The following PITPNC1 variants were observed in gnomAD, a reference collection of about 807,000 sequenced individuals.
PITPNC1 encodes the protein cytoplasmic phosphatidylinositol transfer protein 1.
In PITPNC1, 18 loss-of-function variants were observed where a neutral mutation model predicts 44.7. That is an observed-to-expected ratio of 0.40 (90% CI 0.28 to 0.60). PITPNC1 has a LOEUF of 0.60. Ranked by LOEUF, PITPNC1 falls within the 20% of genes least tolerant of loss-of-function variation. PITPNC1 has a pLI of 0.39. For synonymous variants in PITPNC1, 141 were observed against 149.6 expected, an observed-to-expected ratio of 0.94 and a Z score of 0.42; for missense variants, 290 against 418.4, an observed-to-expected ratio of 0.69 and a Z score of 2.68.
intron 1 of PITPNC1, among the ~76,000 whole-genome samples, chr17:67,473,761 G>A (rs1472112351): frequency 2.0e-5 from 3 of 152,064 alleles, no homozygotes; most frequent in Non-Finnish European, 4.4e-5. Flanking sequence ...GTTTTTGGAG[G>A]GATGTGTTGA....
At chr17:67,682,836 A>G (rs2042736102) in intron 8 of PITPNC1, among the ~76,000 whole-genome samples, 1 of 152,180 alleles carries the variant, frequency 6.6e-6, no homozygotes, top group South Asian at 2.1e-4. Context: ...TTACCAATGT[A>G]TTTGCAAAGT....
chr17:67,548,646 G>A (rs979578111), intron 2 of PITPNC1, among the ~76,000 whole-genome samples: 1 of 152,108 alleles, frequency 6.6e-6, no homozygotes, highest in Non-Finnish European at 1.5e-5. Context: ...CTGTCTTTGG[G>A]AGGCATTGAC....
chr17:67,384,605 T>G (rs1334810498), intron 1 of PITPNC1, among the ~76,000 whole-genome samples: 1 of 152,076 alleles, frequency 6.6e-6, no homozygotes, highest in Non-Finnish European at 1.5e-5. Flanking sequence ...TTTTGTATTT[T>G]TAGTAGAGAC....
intron 5 of PITPNC1, among the ~76,000 whole-genome samples, chr17:67,598,999 TAC>T (rs1568059171): frequency 6.7e-5 from 2 of 29,710 alleles, no homozygotes; most frequent in African/African-American, 1.2e-4. Flanking sequence ...CTATAAGAAA[TAC>T]ATATATATAT....
chr17:67,429,661 G>A (rs1406671958), intron 1 of PITPNC1, among the ~76,000 whole-genome samples: 2 of 151,134 alleles, frequency 1.3e-5, no homozygotes, highest in Non-Finnish European at 2.9e-5. Flanking sequence ...TCGTGCCACT[G>A]CACTCCAGCC....
At chr17:67,600,482 A>G (rs1379156950) in intron 5 of PITPNC1, among the ~76,000 whole-genome samples, 1 of 152,152 alleles carries the variant, frequency 6.6e-6, no homozygotes, top group East Asian at 1.9e-4. Context: ...TAGGAACCAA[A>G]AAAGAAACAA....
chr17:67,523,419 A>G lies in PITPNC1; in HGVS notation c.49-9383A>G, dbSNP rs372399131. Among the ~76,000 whole-genome samples the G allele has an allele frequency of 2.6e-5, 4 of 152,314 alleles. No homozygotes were observed. In the East Asian group the frequency reaches 5.8e-4, roughly 22 times the overall value. Reference sequence around the variant, plus strand: ...CAAGTCACAGTCAGACATGTGGCCAACTAGAAGGAGCAGTGGTGAGGGCAG... The same window carrying G: ...CAAGTCACAGTCAGACATGTGGCCAGCTAGAAGGAGCAGTGGTGAGGGCAG... On this transcript the variant is annotated intron_variant, in intron 1 of 8. Coordinates refer to ENST00000581322, the MANE Select transcript of PITPNC1 (RefSeq NM_012417.4).
intron 1 of PITPNC1, among the ~76,000 whole-genome samples, chr17:67,396,321 A>G (rs1033524089): frequency 2.0e-4 from 31 of 152,194 alleles, no homozygotes; most frequent in African/African-American, 7.5e-4. Context: ...TGTTTCTTTT[A>G]CATTTAGGTT....
intron 6 of PITPNC1, among the ~76,000 whole-genome samples, chr17:67,665,988 G>A (rs959044488): frequency 6.6e-6 from 1 of 151,992 alleles, no homozygotes; most frequent in Non-Finnish European, 1.5e-5. Context: ...TTACAGGCAT[G>A]CATCACCATG....
At chr17:67,643,251 C>T (rs1019093345) in intron 6 of PITPNC1, among the ~76,000 whole-genome samples, 3 of 152,102 alleles carry the variant, frequency 2.0e-5, no homozygotes, top group Non-Finnish European at 2.9e-5. Context: ...CTGGGCATGG[C>T]GGCACGCACC....
chr17:67,515,838 T>A (rs2040252029), intron 1 of PITPNC1, among the ~76,000 whole-genome samples: 1 of 152,228 alleles, frequency 6.6e-6, no homozygotes, highest in African/African-American at 2.4e-5. Context: ...CGTTCTGCTT[T>A]CCTTTTCATG....
intron 1 of PITPNC1, among the ~76,000 whole-genome samples, chr17:67,397,169 C>CG (rs562569724): frequency 4.8e-4 from 73 of 151,952 alleles, no homozygotes; most frequent in African/African-American, 1.7e-3. Flanking sequence ...TTAGTATAGA[C>CG]GGGGTTTCTC....
chr17:67,378,293 G>A (rs1294169139), intron 1 of PITPNC1, 91 bp downstream of exon 1: 3 of 826,624 alleles, frequency 3.6e-6, no homozygotes, highest in Middle Eastern at 3.0e-4. Flanking sequence ...CGAGCGGCAG[G>A]AAACCCAGGT....
chr17:67,408,719 T>C (rs2038441379), intron 1 of PITPNC1: 1 of 140,502 alleles, frequency 7.1e-6, no homozygotes, highest in South Asian at 2.2e-4. Flanking sequence ...CCTTCCTTCC[T>C]TCCTTCCTTC....
intron 5 of PITPNC1, among the ~76,000 whole-genome samples, chr17:67,610,919 CAAA>C (rs35933545): frequency 1.1e-4 from 9 of 81,346 alleles, no homozygotes; most frequent in Admixed American, 1.3e-4. Flanking sequence ...GACTCTGTCT[CAAA>C]AAAAAAAAAA....
intron 7 of PITPNC1, among the ~76,000 whole-genome samples, chr17:67,670,569 G>A (rs1268359635): frequency 6.6e-6 from 1 of 151,910 alleles, no homozygotes; most frequent in African/African-American, 2.4e-5. Flanking sequence ...CCAACCTGGT[G>A]AAACCCTGTC....
chr17:67,547,559 G>A (rs563595232), intron 2 of PITPNC1, among the ~76,000 whole-genome samples: 2 of 152,214 alleles, frequency 1.3e-5, no homozygotes, highest in South Asian at 4.1e-4. Context: ...TAAGACCACC[G>A]TAATTCTGAC....
intron 1 of PITPNC1, among the ~76,000 whole-genome samples, chr17:67,394,226 G>C (rs2038181353): frequency 6.6e-6 from 1 of 152,022 alleles, no homozygotes; most frequent in Non-Finnish European, 1.5e-5. Context: ...TGAGGGTCTG[G>C]TTATGTGGCC....
At position 67,696,136 on chromosome 17, in the gene PITPNC1, T is replaced by A. The variant is rs2043007165; in HGVS notation, c.*3248T>A. On this transcript the variant is annotated 3_prime_UTR_variant, in exon 9 of 9. Coordinates refer to ENST00000581322, the MANE Select transcript of PITPNC1 (RefSeq NM_012417.4). ...ATTTGGAAGTATTTATTAGCCATGTTGTTGGTCCTGAAAATAAATCTCTAA... is the reference window on the plus strand; with the variant it reads ...ATTTGGAAGTATTTATTAGCCATGTAGTTGGTCCTGAAAATAAATCTCTAA... 1 of 152,204 alleles carries A rather than the reference T, an allele frequency of 6.6e-6. No homozygotes were observed. The highest frequency in any genetic ancestry group is 2.4e-5 in the African/African-American group (1 of 41,452). 9.4% of individuals were successfully genotyped at this position (152,204 alleles called of 1,614,324 possible).
Sources: gnomAD v4.1 joint callset for allele counts (sites outside exome capture counted in the v4.1 genomes callset) on GRCh38, gnomAD v4.1.1 for gene constraint, MANE v1.5 for transcripts, NCBI Gene and HGNC (gene_info 2026-07-23, HGNC 2026-07-21) for gene names.